PDE4D: variants seen among roughly 807,000 people sequenced by gnomAD.
The protein encoded by PDE4D is 3',5'-cyclic-AMP phosphodiesterase 4D.
Under a neutral mutation model 87.4 loss-of-function variants are expected in PDE4D, and 24 were observed. The ratio of observed to expected loss-of-function variants is 0.27; its 90% confidence interval spans 0.20 to 0.39. The LOEUF (loss-of-function observed/expected upper bound fraction) is 0.39, where lower values mean the gene tolerates loss of function less well. Ranked by LOEUF, PDE4D falls within the 10% of genes least tolerant of loss-of-function variation. The probability of loss-of-function intolerance (pLI) is 1.00; values close to 1 mark genes in which losing one functional copy is unlikely to be tolerated. For synonymous variants in PDE4D, 384 were observed against 383.2 expected (o/e 1.00, Z -0.02); for missense variants, 714 against 1,041.0 (o/e 0.69, Z 4.32).
At chr5:59,149,706 G>GT (rs76421367) in intron 5 of PDE4D, among the ~76,000 whole-genome samples, 945 of 69,226 alleles carry the variant, frequency 0.014, 114 homozygotes, top group African/African-American at 0.044. Context: ...CTCTCCTCGA[G>GT]TTTTTTTTTT....
chr5:60,385,079 T>C (rs1762109272), intron 1 of PDE4D, among the ~76,000 whole-genome samples: 1 of 152,174 alleles, frequency 6.6e-6, no homozygotes, highest in Middle Eastern at 3.2e-3. Context: ...CTCATGAAAA[T>C]CATCCAGACT....
chr5:60,218,943 TA>T (rs1744182976), intron 1 of PDE4D, among the ~76,000 whole-genome samples: 1 of 152,166 alleles, frequency 6.6e-6, no homozygotes, highest in Non-Finnish European at 1.5e-5. Context: ...TTTAATTTTA[TA>T]AACATATCCA....
chr5:59,535,165 G>A (rs567600942), intron 1 of PDE4D, among the ~76,000 whole-genome samples: 2 of 151,970 alleles, frequency 1.3e-5, no homozygotes, highest in African/African-American at 4.8e-5. Context: ...ATCCCTGGGA[G>A]TCCGAGCAAG....
At position 58,974,212 on chromosome 5, in the gene PDE4D, A is replaced by G. The variant is rs1743163882; in HGVS notation, c.*452T>C. The stretch of plus-strand genomic sequence containing the variant: ...AATTTCTGTGGCTCATCCTCCTCCT[A>G]CTGGTAACAGATTCGTGCTATGTCC... On this transcript the variant is annotated 3_prime_UTR_variant, in exon 15 of 15. Transcript: ENST00000340635. 1 of 152,874 alleles carries G rather than the reference A, an allele frequency of 6.5e-6. No homozygotes were observed. The highest frequency in any genetic ancestry group is 1.5e-5 in the Non-Finnish European group (1 of 68,566). 9.5% of individuals were successfully genotyped at this position (152,874 alleles called of 1,614,324 possible).
At chr5:59,599,602 C>A (rs963309777) in intron 1 of PDE4D, among the ~76,000 whole-genome samples, 1 of 152,076 alleles carries the variant, frequency 6.6e-6, no homozygotes, top group Admixed American at 6.6e-5. Flanking sequence ...CAATAGAGAC[C>A]TTTGCATTCA....
At chr5:59,952,919 A>G (rs1178523604) in intron 3 of PDE4D, among the ~76,000 whole-genome samples, 3 of 152,212 alleles carry the variant, frequency 2.0e-5, no homozygotes, top group Non-Finnish European at 2.9e-5. Flanking sequence ...TACCTTGTTC[A>G]ATTTCTTGAC....
At chr5:59,954,044 G>A (rs1393244756) in intron 3 of PDE4D, among the ~76,000 whole-genome samples, 1 of 152,160 alleles carries the variant, frequency 6.6e-6, no homozygotes, top group Non-Finnish European at 1.5e-5. Flanking sequence ...TCCTGCCTCA[G>A]CCTCCCAAGT....
At chr5:60,469,315 T>C (rs1032717847) in intron 1 of PDE4D, among the ~76,000 whole-genome samples, 5 of 152,180 alleles carry the variant, frequency 3.3e-5, no homozygotes, top group Non-Finnish European at 5.9e-5. Flanking sequence ...CCTACCTCTC[T>C]GACTGCTCCT....
At chr5:59,523,431 G>A (rs565645903) in intron 1 of PDE4D, among the ~76,000 whole-genome samples, 1 of 152,198 alleles carries the variant, frequency 6.6e-6, no homozygotes, top group South Asian at 2.1e-4. Flanking sequence ...TTCCTATGTT[G>A]TTTCTGAGAG....
At chr5:60,182,170 G>A (rs1256637891) in intron 2 of PDE4D, among the ~76,000 whole-genome samples, 1 of 152,114 alleles carries the variant, frequency 6.6e-6, no homozygotes, top group Non-Finnish European at 1.5e-5. Flanking sequence ...GTGAAGAAAG[G>A]GGAAAATCAT....
intron 1 of PDE4D, among the ~76,000 whole-genome samples, chr5:59,791,280 G>A (rs1765757599): frequency 6.6e-6 from 1 of 152,186 alleles, no homozygotes; most frequent in Non-Finnish European, 1.5e-5. Flanking sequence ...TTAAAAGCCA[G>A]GAGAACAAAC....
intron 2 of PDE4D, among the ~76,000 whole-genome samples, chr5:60,171,192 T>C (rs1330004504): frequency 1.3e-5 from 2 of 152,056 alleles, no homozygotes; most frequent in Non-Finnish European, 2.9e-5. Flanking sequence ...AATCGAACTT[T>C]GTGGCTCCTT....
chr5:59,316,370 T>A (rs917685715), intron 1 of PDE4D, among the ~76,000 whole-genome samples: 12 of 152,024 alleles, frequency 7.9e-5, no homozygotes, highest in Admixed American at 2.0e-4. Flanking sequence ...ACATAGAACT[T>A]TTTTTTTAAT....
intron 2 of PDE4D, among the ~76,000 whole-genome samples, chr5:60,046,041 T>G (rs964917158): frequency 6.6e-6 from 1 of 152,198 alleles, no homozygotes; most frequent in Non-Finnish European, 1.5e-5. Context: ...TTTATTTCCT[T>G]GAGCAGTGGT....
At chr5:60,191,528 A>G (rs1785197265) in intron 1 of PDE4D, among the ~76,000 whole-genome samples, 1 of 152,158 alleles carries the variant, frequency 6.6e-6, no homozygotes, top group African/African-American at 2.4e-5. Context: ...ACATGATTGT[A>G]AGTTTCCTGA....
At chr5:59,984,768 G>T (rs1762249895) in intron 3 of PDE4D, among the ~76,000 whole-genome samples, 1 of 152,030 alleles carries the variant, frequency 6.6e-6, no homozygotes, top group Non-Finnish European at 1.5e-5. Context: ...CTAAAGGGGT[G>T]GTACAAGTCT....
chr5:60,514,736 TAACTC>T (rs1192021031), intron 1 of PDE4D, among the ~76,000 whole-genome samples: 14 of 150,932 alleles, frequency 9.3e-5, no homozygotes, highest in African/African-American at 3.4e-4. Context: ...ACAAAAAAAA[TAACTC>T]AATATTGAAA....
At chr5:59,252,163 C>A (rs910918726) in intron 1 of PDE4D, among the ~76,000 whole-genome samples, 1 of 152,028 alleles carries the variant, frequency 6.6e-6, no homozygotes, top group African/African-American at 2.4e-5. Context: ...CATGTACCCC[C>A]AAACCTAAAA....
At chr5:59,581,319 A>C (rs955415588) in intron 1 of PDE4D, among the ~76,000 whole-genome samples, 5 of 152,150 alleles carry the variant, frequency 3.3e-5, no homozygotes, top group African/African-American at 1.2e-4. Context: ...AACTATTTTC[A>C]ATTTTCCTTT....
Sources: allele counts gnomAD v4.1 joint callset (sites outside exome capture counted in the v4.1 genomes callset), GRCh38; gene constraint gnomAD v4.1.1; transcripts MANE v1.5; gene names NCBI Gene and HGNC (gene_info 2026-07-23, HGNC 2026-07-21).